The following EIF4A3 variants were observed in gnomAD, a reference collection of about 807,000 sequenced individuals.
The protein encoded by EIF4A3 is eukaryotic translation initiation factor 4A3.
Under a neutral mutation model 55.6 loss-of-function variants are expected in EIF4A3, and 1 was observed. The ratio of observed to expected loss-of-function variants is 0.02; its 90% CI spans 0.01 to 0.09. The LOEUF (loss-of-function observed/expected upper bound fraction) is 0.09. EIF4A3 is among the 10% of genes least tolerant of loss of function. The pLI is 1.00. For missense variants in EIF4A3, 221 were observed against 540.7 expected (o/e 0.41, Z 5.86); for synonymous variants, 194 against 196.3 (o/e 0.99, Z 0.10).
At chr17:80,142,170 G>A (rs1259489680) in intron 2 of EIF4A3, among the ~76,000 whole-genome samples, 2 of 152,178 alleles carry the variant, frequency 1.3e-5, no homozygotes, top group African/African-American at 4.8e-5. Context: ...TAGGATTTTG[G>A]ACTAACTCTC....
At chr17:80,143,884 G>A (rs186589703) in intron 2 of EIF4A3, among the ~76,000 whole-genome samples, 2 of 152,288 alleles carry the variant, frequency 1.3e-5, no homozygotes, top group Admixed American at 6.5e-5. Context: ...GGAGGGTGAG[G>A]CAGGAGAATA....
chr17:80,145,009 A>G (rs1230967789), intron 1 of EIF4A3, among the ~76,000 whole-genome samples: 1 of 152,238 alleles, frequency 6.6e-6, no homozygotes, highest in Admixed American at 6.5e-5. Flanking sequence ...TCTGGGGCAT[A>G]GCGAAAAATA....
Position 80,134,635 on chromosome 17 carries a change from G to A in EIF4A3, c.*855C>T, listed in dbSNP as rs2039555472. 6.6e-6 allele frequency among the ~76,000 whole-genome samples: 1 copy of A among 151,880 alleles called. No homozygotes were observed. Among genetic ancestry groups the A allele is most frequent in the Non-Finnish European group, 1.5e-5 (1 of 67,990 alleles). On this transcript the variant is annotated 3_prime_UTR_variant, in exon 12 of 12. Coordinates refer to ENST00000649764, the MANE Select transcript of EIF4A3 (RefSeq NM_014740.4). ...ACCCATGAGTGACAGACCAGCCTAG[G>A]CCACAAAGTGAGACCCTGTCTCTAC...
chr17:80,139,878 T>A, intron 5 of EIF4A3, 128 bp from the exon 6 acceptor site: 1 of 1,503,106 alleles, frequency 6.7e-7, no homozygotes, highest in Non-Finnish European at 9.0e-7. Context: ...ACCTTCCCTC[T>A]ACCTCCTGCA....
Position 80,139,108 on chromosome 17 carries a change from A to C in EIF4A3, c.641T>G (p.Val214Gly). 1 of 1,613,948 alleles carries C rather than the reference A, an allele frequency of 6.2e-7. No homozygotes were observed. Among genetic ancestry groups the C allele is most frequent in the Non-Finnish European group, 8.5e-7 (1 of 1,179,994 alleles). Residue 214 changes from valine to glycine, a missense_variant, in exon 7 of 12, where the codon GTG becomes GGG. By Grantham distance (109) the Val-to-Gly change is moderately radical (BLOSUM62 -3). This residue lies in a region of EIF4A3 where 93 missense variants were observed against 278.5 expected (regional missense o/e 0.33). Coordinates refer to ENST00000649764, the MANE Select transcript of EIF4A3 (RefSeq NM_014740.4). ...TGGCAGCGTGGCACTGATGAGAACC[A>C]CCTGTGTGGCTGGAGGCAGGTACCT... Reference protein sequence around the residue: ...VYRYLPPATQVVLISATLPHE... With the variant: ...VYRYLPPATQGVLISATLPHE...
At position 80,140,044 on chromosome 17, in the gene EIF4A3, G is replaced by C; in HGVS notation, c.469C>G (p.Gln157Glu). ...CCTGGAGTGCCCGCGACAACATGCT[G>C]TCCGTAATCCAGCTTCCTGATGTCC... ...GEDIRKLDYGQHVVAGTPGRV... is the reference protein window; with the variant it reads ...GEDIRKLDYGEHVVAGTPGRV... Residue 157 changes from glutamine to glutamate, a missense_variant, in exon 5 of 12, where the codon CAG (glutamine) becomes GAG (glutamate). Gln to Glu is a conservative substitution (Grantham distance 29). This residue lies in a region of EIF4A3 where 85 missense variants were observed against 205.8 expected (regional missense o/e 0.41). Transcript: ENST00000649764. 6.2e-7 allele frequency: 1 copy of C among 1,613,962 alleles called. No individual in the cohort carries two copies. The highest frequency in any genetic ancestry group is 1.1e-5 in the South Asian group (1 of 91,048).
intron 2 of EIF4A3, 79 bp downstream of exon 2, chr17:80,144,091 AAC>A (rs2099527305): frequency 1.5e-6 from 2 of 1,329,382 alleles, no homozygotes; most frequent in Non-Finnish European, 2.2e-6. Context: ...AGCTGAGGGA[AAC>A]AGTCATCCCA....
At chr17:80,140,253 A>T in intron 4 of EIF4A3, 113 bp from the exon 5 acceptor site, 1 of 1,267,466 alleles carries the variant, frequency 7.9e-7, no homozygotes, top group Non-Finnish European at 1.0e-6. Context: ...TTATGCCATT[A>T]TTATCTCGAA....
chr17:80,145,773 C>A (rs970244821), intron 1 of EIF4A3, among the ~76,000 whole-genome samples: 3 of 152,124 alleles, frequency 2.0e-5, no homozygotes, highest in Admixed American at 6.5e-5. Context: ...GTGCTGCCTA[C>A]CTAGCCAAAT....
rs1342964429 is a variant in EIF4A3 at position 80,139,023 on chromosome 17, T to C, written c.726A>G (p.Lys242=). The change falls in exon 7 of 12, where the codon AAA becomes AAG. Residue 242 remains lysine, a splice_region_variant and synonymous_variant. Coordinates refer to ENST00000649764, the MANE Select transcript of EIF4A3 (RefSeq NM_014740.4). ...FMTDPIRILV[K]RDELTLEGIK... is the part of the protein sequence containing the mutation. ...AACTTGACAAGAGGGGCTCCTACCG[T>C]TTCACCAAGATGCGGATTGGGTCGG... is the stretch of plus-strand genomic sequence containing the variant. The C allele has an allele frequency of 1.2e-6, 2 of 1,613,716 alleles. No homozygotes were observed. The highest frequency in any genetic ancestry group is 2.2e-5 in the East Asian group (1 of 44,872).
intron 4 of EIF4A3, chr17:80,140,341 T>C (rs2039607458): frequency 5.2e-6 from 3 of 581,430 alleles, no homozygotes; most frequent in Non-Finnish European, 5.2e-6. Context: ...TGAGACGGAG[T>C]CTCACTCTGT....
At position 80,147,097 on chromosome 17, in the gene EIF4A3, C is replaced by G. The variant is rs1380319080; in HGVS notation, c.-136G>C. ...GCTGCCGACCTCGCTGTGCCGCTGC[C>G]GACCTCGCTGTGCCGCTGCCGACCT... On this transcript the variant is annotated 5_prime_UTR_variant, in exon 1 of 12. Transcript: ENST00000649764. The G allele has an allele frequency of 7.8e-7, 1 of 1,285,624 alleles. No homozygotes were observed. The highest frequency in any genetic ancestry group is 3.1e-5 in the East Asian group (1 of 32,204). 79.6% of individuals were successfully genotyped at this position (1,285,624 alleles called of 1,614,324 possible). A position where few individuals can be genotyped will look rare whatever the true frequency, so the allele number is the denominator to read the frequency against.
At chr17:80,139,525 C>T (rs905467728) in intron 6 of EIF4A3, 145 bp downstream of exon 6, 3 of 765,832 alleles carry the variant, frequency 3.9e-6, no homozygotes, top group Non-Finnish European at 6.1e-6. Context: ...ATTTTTTGTT[C>T]ATAATTGCCA....
Position 80,147,045 on chromosome 17 carries a change from C to CGCG in EIF4A3, c.-85_-84insCGC, listed in dbSNP as rs958729150. 8.1e-6 allele frequency: 11 copies of CGCG among 1,351,422 alleles called. No homozygotes were observed. The highest frequency in any genetic ancestry group is 1.0e-5 in the Non-Finnish European group (11 of 1,052,118). The allele number at this position is 1,351,422 out of a possible 1,614,324, so 83.7% of individuals were successfully genotyped here. On this transcript the variant is annotated 5_prime_UTR_variant, in exon 1 of 12. Transcript: ENST00000649764. ...GACCTCGCTGTGCCGCTGCCGACCT[C>CGCG]GCTGCCGCTGCCGACCTCGCTGTGC...
At chr17:80,144,670 T>TAA (rs200052322) in intron 1 of EIF4A3, among the ~76,000 whole-genome samples, 110 of 146,952 alleles carry the variant, frequency 7.5e-4, no homozygotes, top group South Asian at 3.4e-3. Context: ...CTTTTTAAAT[T>TAA]AAAAAAAAAA....
At chr17:80,142,459 C>T (rs1349020923) in intron 2 of EIF4A3, among the ~76,000 whole-genome samples, 1 of 152,182 alleles carries the variant, frequency 6.6e-6, no homozygotes, top group Non-Finnish European at 1.5e-5. Context: ...TCATAAAGAC[C>T]CTCATGTCAC....
chr17:80,139,955 C>T (rs1466947522), intron 5 of EIF4A3, 53 bp downstream of exon 5: 9 of 1,588,406 alleles, frequency 5.7e-6, no homozygotes, highest in Non-Finnish European at 7.7e-6. Context: ...ACCATTTAAG[C>T]ACTTCTTACA....
chr17:80,135,340 C>A lies in EIF4A3; in HGVS notation c.*150G>T. Reference sequence around the variant, plus strand: ...GTAAATAAGAAAAGAGAGCAGAATCCCCATATCCTCTTCAAAGGAAGGGAG... The same window carrying A: ...GTAAATAAGAAAAGAGAGCAGAATCACCATATCCTCTTCAAAGGAAGGGAG... On this transcript the variant is annotated 3_prime_UTR_variant, in exon 12 of 12. Transcript: ENST00000649764. 2.7e-6 allele frequency: 2 copies of A among 734,418 alleles called. No homozygotes were observed. Among genetic ancestry groups the A allele is most frequent in the Admixed American group, 3.5e-5 (1 of 28,392 alleles). The allele number at this position is 734,418 out of a possible 1,614,324, so 45.5% of individuals were successfully genotyped here.
At chr17:80,145,039 G>C (rs2039648231) in intron 1 of EIF4A3, among the ~76,000 whole-genome samples, 1 of 152,218 alleles carries the variant, frequency 6.6e-6, no homozygotes, top group Non-Finnish European at 1.5e-5. Context: ...AGAAAATGTA[G>C]CACAATTTCC....
Sources: gnomAD v4.1 joint callset for allele counts (sites outside exome capture counted in the v4.1 genomes callset) on GRCh38, gnomAD v4.1.1 for gene constraint, gnomAD v4.1.1 regional missense constraint, MANE v1.5 for transcripts, NCBI Gene and HGNC (gene_info 2026-07-23, HGNC 2026-07-21) for gene names.